The following TAFA5 variants were observed in gnomAD, a reference collection of about 807,000 sequenced individuals.
The protein encoded by TAFA5 is TAFA chemokine like family member 5.
In TAFA5, 6 loss-of-function variants were observed where a neutral mutation model predicts 15.3. The observed-to-expected ratio is 0.39, with a 90% CI of 0.21 to 0.77. The LOEUF is 0.77. Ranked by LOEUF, TAFA5 falls within the 30% of genes least tolerant of loss-of-function variation. TAFA5 has a pLI of 0.41. For synonymous variants in TAFA5, 103 were observed against 80.7 expected, an observed-to-expected ratio of 1.28 and a Z score of -1.48; for missense variants, 161 against 193.1, an observed-to-expected ratio of 0.83 and a Z score of 0.98.
At chr22:48,516,398 G>A (rs867164893) in intron 1 of TAFA5, among the ~76,000 whole-genome samples, 57 of 151,666 alleles carry the variant, frequency 3.8e-4, no homozygotes, top group Middle Eastern at 3.2e-3. Context: ...TCGGGGCCGC[G>A]TGGTTTTGGT....
In TAFA5 at chr22:48,608,765, G is replaced by A. The variant is rs368111816; in HGVS notation, c.113-37832G>A. 5.3e-5 allele frequency among the ~76,000 whole-genome samples: 8 copies of A among 152,294 alleles called. No individual in the cohort carries two copies. The East Asian group carries it at 7.7e-4, about 15-fold the overall frequency. ...TGCCGTGGAGGGGCTCCCGAAGCCC[G>A]CTGGCCTTTGTCTGCTTGAAGCCAC... On this transcript the variant is annotated intron_variant, in intron 1 of 3. Coordinates refer to ENST00000402357, the MANE Select transcript of TAFA5 (RefSeq NM_001082967.3).
At chr22:48,623,324 G>A (rs1384399677) in intron 1 of TAFA5, among the ~76,000 whole-genome samples, 2 of 113,826 alleles carry the variant, frequency 1.8e-5, no homozygotes, top group East Asian at 2.8e-4. Context: ...GGGACATGTC[G>A]CGTGGCCCTG....
At chr22:48,700,377 C>T (rs752701483) in intron 2 of TAFA5, among the ~76,000 whole-genome samples, 1 of 152,012 alleles carries the variant, frequency 6.6e-6, no homozygotes, top group Non-Finnish European at 1.5e-5. Flanking sequence ...AGCCTGACCT[C>T]GCCGGGGAGA....
chr22:48,636,282 C>T (rs917974435), intron 1 of TAFA5, among the ~76,000 whole-genome samples: 3 of 152,198 alleles, frequency 2.0e-5, no homozygotes, highest in Non-Finnish European at 4.4e-5. Flanking sequence ...CTGGCTGTTC[C>T]GTGGGGGAAC....
chr22:48,523,759 T>C (rs1449065602), intron 1 of TAFA5, among the ~76,000 whole-genome samples: 1 of 152,166 alleles, frequency 6.6e-6, no homozygotes, highest in South Asian at 2.1e-4. Flanking sequence ...CAAGAGGCTT[T>C]AGTGGGAAGC....
intron 1 of TAFA5, among the ~76,000 whole-genome samples, chr22:48,520,870 T>TAAGGC: frequency 6.6e-6 from 1 of 152,060 alleles, no homozygotes; most frequent in South Asian, 2.1e-4. Context: ...AGCACATCCC[T>TAAGGC]CAGGCCAGGG....
chr22:48,519,993 G>T (rs1306593092), intron 1 of TAFA5, among the ~76,000 whole-genome samples: 2 of 152,234 alleles, frequency 1.3e-5, no homozygotes, highest in Non-Finnish European at 2.9e-5. Context: ...ACGAGAGTTG[G>T]ATAGGCCCTA....
At chr22:48,495,126 C>G (rs1290424218) in intron 1 of TAFA5, among the ~76,000 whole-genome samples, 1 of 152,212 alleles carries the variant, frequency 6.6e-6, no homozygotes, top group African/African-American at 2.4e-5. Flanking sequence ...TGGCGTGTCA[C>G]CTGCCATGGG....
At chr22:48,576,854 A>T (rs1292306348) in intron 1 of TAFA5, among the ~76,000 whole-genome samples, 1 of 151,684 alleles carries the variant, frequency 6.6e-6, no homozygotes, top group Admixed American at 6.6e-5. Flanking sequence ...CCCCAGCCCA[A>T]GCCGAGGCTG....
chr22:48,492,471 G>A (rs551212783), intron 1 of TAFA5, among the ~76,000 whole-genome samples: 1 of 152,128 alleles, frequency 6.6e-6, no homozygotes, highest in South Asian at 2.1e-4. Flanking sequence ...TTTTCTGTTG[G>A]GGGGATTCTA....
At chr22:48,573,783 T>A (rs530997032) in intron 1 of TAFA5, among the ~76,000 whole-genome samples, 1 of 152,332 alleles carries the variant, frequency 6.6e-6, no homozygotes, top group African/African-American at 2.4e-5. Context: ...ATCTTCCAAT[T>A]GTAGTTCTTA....
chr22:48,717,902 C>A (rs915820437), intron 3 of TAFA5, among the ~76,000 whole-genome samples: 1 of 152,220 alleles, frequency 6.6e-6, no homozygotes, highest in Non-Finnish European at 1.5e-5. Flanking sequence ...CAGGTTGTCA[C>A]CAGAAGTGAA....
At chr22:48,571,586 T>TG (rs1923592105) in intron 1 of TAFA5, among the ~76,000 whole-genome samples, 2 of 133,126 alleles carry the variant, frequency 1.5e-5, no homozygotes, top group Admixed American at 7.4e-5. Context: ...TTTTTTTTTT[T>TG]TTTTTTTTTT....
At chr22:48,538,319 G>A (rs979700833) in intron 1 of TAFA5, among the ~76,000 whole-genome samples, 3 of 152,186 alleles carry the variant, frequency 2.0e-5, no homozygotes, top group South Asian at 2.1e-4. Context: ...CCGCTGCCCC[G>A]AGCCCTGCCC....
rs1333937145 is a variant in TAFA5 at position 48,501,311 on chromosome 22, C to T, written c.112+11607C>T. Among the ~76,000 whole-genome samples, 3 of 152,368 alleles carry T rather than the reference C, an allele frequency of 2.0e-5. No homozygotes were observed. In the East Asian group the frequency reaches 5.8e-4, roughly 29 times the overall value. On this transcript the variant is annotated intron_variant, in intron 1 of 3. Transcript: ENST00000402357. ...GCCTTCAGTGTGCCCAGGCCTGACT[C>T]CCCAACCTGCTCTGAGCAAACCTAA...
intron 3 of TAFA5, among the ~76,000 whole-genome samples, chr22:48,745,473 C>T (rs1157650758): frequency 1.3e-5 from 2 of 149,880 alleles, no homozygotes; most frequent in African/African-American, 2.5e-5. Context: ...ACGGCTTTGT[C>T]GTTGGCGGCT....
chr22:48,585,723 A>G (rs1349905635), intron 1 of TAFA5, among the ~76,000 whole-genome samples: 4 of 151,566 alleles, frequency 2.6e-5, no homozygotes, highest in Non-Finnish European at 5.9e-5. Context: ...ACCACACACA[A>G]CACACACACA....
At chr22:48,633,202 C>T (rs1926296117) in intron 1 of TAFA5, among the ~76,000 whole-genome samples, 1 of 152,190 alleles carries the variant, frequency 6.6e-6, no homozygotes, top group African/African-American at 2.4e-5. Context: ...CTGAACCCCA[C>T]GACCTTTGCG....
chr22:48,686,767 G>A (rs549603106), intron 2 of TAFA5, among the ~76,000 whole-genome samples: 1 of 151,376 alleles, frequency 6.6e-6, no homozygotes, highest in East Asian at 1.9e-4. Flanking sequence ...ATGGGTAGGG[G>A]ATGGATGGAT....
Sources: gnomAD v4.1 joint callset for allele counts (sites outside exome capture counted in the v4.1 genomes callset) on GRCh38, gnomAD v4.1.1 for gene constraint, MANE v1.5 for transcripts, NCBI Gene and HGNC (gene_info 2026-07-23, HGNC 2026-07-21) for gene names.